Variants in CUEDC1 observed in about 807,000 individuals in gnomAD.
The protein encoded by CUEDC1 is CUE domain-containing protein 1.
CUEDC1 carries 30 observed loss-of-function variants against 43.7 expected under a neutral mutation model. That is an observed-to-expected ratio of 0.69 (90% CI 0.51 to 0.93). CUEDC1 has a LOEUF of 0.93. Among genes scored for constraint, CUEDC1 ranks in the 40% least tolerant of loss-of-function variants. CUEDC1 has a pLI of 0.00. For synonymous variants in CUEDC1, 223 were observed against 223.6 expected, an observed-to-expected ratio of 1.00 and a Z score of 0.02; for missense variants, 486 against 549.0, an observed-to-expected ratio of 0.89 and a Z score of 1.15.
At chr17:57,866,887 G>A (rs1461407559) in intron 9 of CUEDC1, 7 of 360,202 alleles carry the variant, frequency 1.9e-5, no homozygotes, top group Non-Finnish European at 2.6e-5. Flanking sequence ...CCTGACCCTC[G>A]AATGTGGCAT....
At chr17:57,925,193 A>G (rs1456612597) in intron 1 of CUEDC1, among the ~76,000 whole-genome samples, 1 of 152,062 alleles carries the variant, frequency 6.6e-6, no homozygotes, top group Admixed American at 6.6e-5. Context: ...CAGAATGATC[A>G]ATTTTACTGG....
At chr17:57,916,524 AC>A (rs1754655415) in intron 1 of CUEDC1, among the ~76,000 whole-genome samples, 1 of 152,228 alleles carries the variant, frequency 6.6e-6, no homozygotes. Flanking sequence ...AAGCAAAGGA[AC>A]AAAACAGGGA....
chr17:57,867,669 G>T, intron 8 of CUEDC1: 1 of 572,582 alleles, frequency 1.7e-6, no homozygotes, highest in Non-Finnish European at 3.1e-6. Flanking sequence ...CCCTCTGGCT[G>T]CTGAGCCTCT....
chr17:57,914,625 A>C (rs913404617), intron 1 of CUEDC1, among the ~76,000 whole-genome samples: 1 of 152,312 alleles, frequency 6.6e-6, no homozygotes, highest in African/African-American at 2.4e-5. Context: ...GGATAATGCT[A>C]TCTGGGGCCT....
chr17:57,887,655 C>CTTTTT (rs3085786), intron 1 of CUEDC1, among the ~76,000 whole-genome samples: 28,241 of 57,546 alleles, frequency 0.49, 9,098 homozygotes, highest in East Asian at 0.83. Flanking sequence ...CCACGCCTGG[C>CTTTTT]TTTTTTTTTT....
At position 57,885,798 on chromosome 17, in the gene CUEDC1, G is replaced by A. The variant is rs1568036573; in HGVS notation, c.-234C>T. Reference sequence around the variant, plus strand: ...CGGTCCTCGCGGGGCGGTGGCATGCGGGACCGGGCCGTGCTGGGGCTGGGC... The same window carrying A: ...CGGTCCTCGCGGGGCGGTGGCATGCAGGACCGGGCCGTGCTGGGGCTGGGC... On this transcript the variant is annotated 5_prime_UTR_variant, in exon 2 of 11. Transcript: ENST00000577830. 3 of 459,816 alleles carry A rather than the reference G, an allele frequency of 6.5e-6. No individual in the cohort carries two copies. The highest frequency in any genetic ancestry group is 6.2e-4 in the Middle Eastern group (1 of 1,612). The allele number at this position is 459,816 out of a possible 1,614,324, so 28.5% of individuals were successfully genotyped here.
chr17:57,928,211 T>C (rs2074766876), intron 1 of CUEDC1, among the ~76,000 whole-genome samples: 1 of 152,196 alleles, frequency 6.6e-6, no homozygotes, highest in Admixed American at 6.5e-5. Context: ...GGTGTCAAAG[T>C]TCTCTTTAGA....
At chr17:57,919,786 A>C (rs1255966142) in intron 1 of CUEDC1, among the ~76,000 whole-genome samples, 1 of 152,152 alleles carries the variant, frequency 6.6e-6, no homozygotes, top group East Asian at 1.9e-4. Flanking sequence ...AAGTACATGG[A>C]GATAATACCA....
At chr17:57,873,523 A>C (rs1338038980) in intron 4 of CUEDC1, 68 bp downstream of exon 4, 2 of 1,466,358 alleles carry the variant, frequency 1.4e-6, no homozygotes, top group Non-Finnish European at 1.8e-6. Context: ...GGCTGGCACA[A>C]ATTGTGTGGG....
intron 1 of CUEDC1, among the ~76,000 whole-genome samples, chr17:57,903,932 T>A (rs1272938034): frequency 8.2e-6 from 1 of 121,874 alleles, no homozygotes; most frequent in East Asian, 1.1e-3. Flanking sequence ...AGAGAGACCG[T>A]GTTTCAAAAA....
intron 1 of CUEDC1, among the ~76,000 whole-genome samples, chr17:57,951,552 G>A (rs1387665920): frequency 1.3e-5 from 2 of 151,896 alleles, no homozygotes; most frequent in African/African-American, 2.4e-5. Flanking sequence ...TCCGCCTCCC[G>A]AGTTCAAATG....
At chr17:57,871,141 G>A in intron 6 of CUEDC1, 145 bp downstream of exon 6, 1 of 674,448 alleles carries the variant, frequency 1.5e-6, no homozygotes, top group South Asian at 1.7e-5. Flanking sequence ...GGCAGAAGCA[G>A]CCCCGCCAGC....
At chr17:57,923,831 T>C (rs2074719549) in intron 1 of CUEDC1, among the ~76,000 whole-genome samples, 1 of 152,214 alleles carries the variant, frequency 6.6e-6, no homozygotes, top group African/African-American at 2.4e-5. Flanking sequence ...ATAAATATTT[T>C]CATTTGAACA....
chr17:57,861,894 C>A lies in CUEDC1; in HGVS notation c.*1395G>T, dbSNP rs2073881450. The A allele has an allele frequency of 6.6e-6, 1 of 152,084 alleles. No individual in the cohort carries two copies. Among genetic ancestry groups the A allele is most frequent in the Non-Finnish European group, 1.5e-5 (1 of 68,014 alleles). 9.4% of individuals were successfully genotyped at this position (152,084 alleles called of 1,614,324 possible). On this transcript the variant is annotated 3_prime_UTR_variant, in exon 11 of 11. Transcript: ENST00000577830. ...CGGCAGGGCCCCCCGAGCCAGCGTC[C>A]CGGCCCCGCGCGCGTTTCCAAACTT...
chr17:57,872,038 C>T (rs746821387), intron 5 of CUEDC1, among the ~76,000 whole-genome samples: 5 of 152,256 alleles, frequency 3.3e-5, no homozygotes, highest in Non-Finnish European at 7.3e-5. Flanking sequence ...GCTCCTCCCC[C>T]ACCAACACAC....
rs531246404 is a variant in CUEDC1 at position 57,912,123 on chromosome 17, C to T, written c.-315-26244G>A. Among the ~76,000 whole-genome samples, 166 of 152,312 alleles carry T rather than the reference C, an allele frequency of 1.1e-3. 2 individuals are homozygous for T. Among genetic ancestry groups the T allele is most frequent in the African/African-American group, 3.8e-3 (156 of 41,576 alleles). ...GATCCCTCCCAACCGCAGCCCAACG[C>T]CCCCACCCCTGGCCCTGGAGACCGC... On this transcript the variant is annotated intron_variant, in intron 1 of 10. Coordinates refer to ENST00000577830, the MANE Select transcript of CUEDC1 (RefSeq NM_001271875.2).
At chr17:57,950,465 TTTTA>T (rs1383922756) in intron 1 of CUEDC1, among the ~76,000 whole-genome samples, 9 of 150,174 alleles carry the variant, frequency 6.0e-5, no homozygotes, top group African/African-American at 9.8e-5. Flanking sequence ...TTTTTTATTT[TTTTA>T]TTTATTTATT....
chr17:57,871,537 C>T (rs1597970501), intron 5 of CUEDC1, among the ~76,000 whole-genome samples, 168 bp from the exon 6 acceptor site: 1 of 152,188 alleles, frequency 6.6e-6, no homozygotes, highest in Admixed American at 6.6e-5. Context: ...CTCAAAGAAC[C>T]AGCAGTAAAA....
At chr17:57,911,036 G>C (rs1567714558) in intron 1 of CUEDC1, among the ~76,000 whole-genome samples, 4 of 152,032 alleles carry the variant, frequency 2.6e-5, no homozygotes, top group Non-Finnish European at 4.4e-5. Context: ...GGTCCCCTCC[G>C]AACTCCTCAG....
Sources: allele counts gnomAD v4.1 joint callset (sites outside exome capture counted in the v4.1 genomes callset), GRCh38; gene constraint gnomAD v4.1.1; transcripts MANE v1.5; gene names NCBI Gene and HGNC (gene_info 2026-07-23, HGNC 2026-07-21).